Variants in PKMYT1 observed in about 807,000 individuals in gnomAD.
The protein encoded by PKMYT1 is membrane-associated tyrosine- and threonine-specific cdc2-inhibitory kinase.
PKMYT1 carries 35 observed loss-of-function variants against 49.7 expected under a neutral mutation model. The observed-to-expected ratio is 0.70, with a 90% CI of 0.54 to 0.93. The LOEUF is 0.93. Ranked by LOEUF, PKMYT1 falls within the 40% of genes least tolerant of loss-of-function variation. The pLI, the probability that PKMYT1 is intolerant of heterozygous loss-of-function variation, is 0.00. For synonymous variants in PKMYT1, 331 were observed against 287.6 expected (o/e 1.15, Z -1.53); for missense variants, 677 against 673.1 (o/e 1.01, Z -0.06).
At position 2,976,336 on chromosome 16, in the gene PKMYT1, A is replaced by G. The variant is rs534819758; in HGVS notation, c.378+328T>C. Among the ~76,000 whole-genome samples, 10 of 152,114 alleles carry G rather than the reference A, an allele frequency of 6.6e-5. 1 individual carries two copies. The highest frequency in any genetic ancestry group is 1.9e-4 in the African/African-American group (8 of 41,500). Reference sequence around the variant, plus strand: ...CTGGGGAGGGCTGGCCAGGCACTGCACTCAGGGCCAGTGCCAGAGGCTGGG... The same window carrying G: ...CTGGGGAGGGCTGGCCAGGCACTGCGCTCAGGGCCAGTGCCAGAGGCTGGG... On this transcript the variant is annotated intron_variant, in intron 3 of 8. Coordinates refer to ENST00000262300, the MANE Select transcript of PKMYT1 (RefSeq NM_004203.5).
At position 2,975,689 on chromosome 16, in the gene PKMYT1, G is replaced by T; in HGVS notation, c.502C>A (p.Pro168Thr). 1 of 1,609,752 alleles carries T rather than the reference G, an allele frequency of 6.2e-7. No homozygotes were observed. The change falls in exon 4 of 9, where the codon CCA (proline) becomes ACA (threonine). Residue 168 changes from proline to threonine, a missense_variant. By Grantham distance (38) the Pro-to-Thr change is conservative. Coordinates refer to ENST00000262300, the MANE Select transcript of PKMYT1 (RefSeq NM_004203.5). Reference sequence around the variant, plus strand: ...GCCTGCTCCAGCCGCACGCAGCATGGGTGCTGCCCCACCTTCTCGTGGCTG... The same window carrying T: ...GCCTGCTCCAGCCGCACGCAGCATGTGTGCTGCCCCACCTTCTCGTGGCTG... ...VGSHEKVGQH[P>T]CCVRLEQAWE...
Position 2,974,368 on chromosome 16 carries a change from GT to G in PKMYT1, c.1028del (p.Asp343AlafsTer17). 2 of 1,611,344 alleles carry G rather than the reference GT, an allele frequency of 1.2e-6. No individual in the cohort carries two copies. The highest frequency in any genetic ancestry group is 1.7e-6 in the Non-Finnish European group (2 of 1,179,342). ...RSVLVMMLEP[D>X]PKLRATAEAL... The stretch of plus-strand genomic sequence containing the variant: ...CCTCGGCCGTGGCCCGCAGCTTGGG[GT>G]CTGGCTCCAGCATCATGACAAGGAC... On this transcript the variant is annotated frameshift_variant, in exon 6 of 9. Transcript: ENST00000262300. LOFTEE classifies it high-confidence loss of function.
chr16:2,976,709 C>G lies in PKMYT1; in HGVS notation c.333G>C (p.Gln111His). Residue 111 changes from glutamine to histidine, a missense_variant, in exon 3 of 9, where the codon CAG becomes CAC. Physicochemically the swap from Gln to His is conservative, Grantham distance 24. Transcript: ENST00000262300. The stretch of plus-strand genomic sequence containing the variant: ...AGCCATGGCCCAGGCGGCTGAGCCT[C>G]TGGAAGCTCTGCTGGAAGAAGGACT... The part of the protein sequence containing the change: ...RPESFFQQSF[Q>H]RLSRLGHGSY... 1 of 1,492,270 alleles carries G rather than the reference C, an allele frequency of 6.7e-7. No individual in the cohort carries two copies. The highest frequency in any genetic ancestry group is 8.9e-7 in the Non-Finnish European group (1 of 1,118,636). 92.4% of individuals were successfully genotyped at this position (1,492,270 alleles called of 1,614,324 possible).
chr16:2,978,914 C>T (rs2072269962), intron 2 of PKMYT1, among the ~76,000 whole-genome samples: 1 of 151,476 alleles, frequency 6.6e-6, no homozygotes, highest in Admixed American at 6.6e-5. Context: ...TCAAGTAATT[C>T]TCTTGCCTCA....
At chr16:2,975,988 C>A in intron 3 of PKMYT1, 176 bp from the exon 4 acceptor site, 2 of 700,286 alleles carry the variant, frequency 2.9e-6, no homozygotes, top group South Asian at 4.0e-5. Context: ...AAACCTCCAT[C>A]CCTCGGGCTG....
chr16:2,977,051 C>T lies in PKMYT1; in HGVS notation c.11-20G>A, dbSNP rs528658872. On this transcript the variant is annotated intron_variant, in intron 2 of 8. Coordinates refer to ENST00000262300, the MANE Select transcript of PKMYT1 (RefSeq NM_004203.5). ...GAGGCCCTGGGGGCAGAGACAGAGG[C>T]TGAGTACAGGGCAGCATGTCCACTC... The T allele has an allele frequency of 6.3e-7, 1 of 1,590,302 alleles. No homozygotes were observed. Among genetic ancestry groups the T allele is most frequent in the East Asian group, 2.2e-5 (1 of 44,460 alleles).
rs1438792954 is a variant in PKMYT1, at chr16:2,974,159, T to TG, written c.1153-3dup. On this transcript the variant is annotated splice_polypyrimidine_tract_variant and splice_region_variant and intron_variant, in intron 6 of 8. Coordinates refer to ENST00000262300, the MANE Select transcript of PKMYT1 (RefSeq NM_004203.5). ...CCAGCAGAGCAGGGCAAGCAGGGCC[T>TG]GTGGGGGAGAGGAGCTCAGGATGTG... 3.4e-5 allele frequency: 54 copies of TG among 1,596,666 alleles called. No individual in the cohort carries two copies. Among genetic ancestry groups the TG allele is most frequent in the Non-Finnish European group, 4.5e-5 (53 of 1,171,736 alleles).
chr16:2,977,636 CA>C (rs1206014000), intron 2 of PKMYT1: 2 of 324,572 alleles, frequency 6.2e-6, no homozygotes, highest in Non-Finnish European at 8.8e-6. Flanking sequence ...ACACAGCAAA[CA>C]AAGGTTTACA....
chr16:2,975,896 C>A, intron 3 of PKMYT1, 84 bp from the exon 4 acceptor site: 2 of 1,454,270 alleles, frequency 1.4e-6, no homozygotes, highest in South Asian at 1.3e-5. Context: ...TGGCAGACCC[C>A]ATTAAGGGTT....
chr16:2,979,887 CTT>C lies in PKMYT1; in HGVS notation c.-232_-231del, dbSNP rs1410559749. The C allele has an allele frequency of 1.9e-4, 109 of 588,888 alleles. 2 individuals are homozygous for C. The South Asian group carries it at 1.9e-3, about 10-fold the overall frequency. The allele number at this position is 588,888 out of a possible 1,614,324, so 36.5% of individuals were successfully genotyped here. A position where few individuals can be genotyped will look rare whatever the true frequency, so the allele number is the denominator to read the frequency against. The stretch of plus-strand genomic sequence containing the variant: ...TCCTCCCAGGCAGGGCCGCGGCTGA[CTT>C]CACTCCGTGGGTGTGGGGAAGCCCT... On this transcript the variant is annotated 5_prime_UTR_variant, in exon 2 of 9. Transcript: ENST00000262300.
chr16:2,973,543 GT>G, intron 7 of PKMYT1: 1 of 1,020,138 alleles, frequency 9.8e-7, no homozygotes, highest in Non-Finnish European at 1.4e-6. Flanking sequence ...TGATGTGTTT[GT>G]AAGGAAGGGG....
chr16:2,976,040 G>C (rs1293562163), intron 3 of PKMYT1: 2 of 545,954 alleles, frequency 3.7e-6, no homozygotes, highest in Admixed American at 6.8e-5. Context: ...GGGCCGACCT[G>C]CACTGACCCC....
intron 3 of PKMYT1, 181 bp from the exon 4 acceptor site, chr16:2,975,993 G>A (rs941800069): frequency 2.2e-5 from 15 of 684,630 alleles, no homozygotes; most frequent in South Asian, 8.0e-5. Flanking sequence ...TCCATCCCTC[G>A]GGCTGGGTCT....
intron 7 of PKMYT1, chr16:2,973,652 G>C: frequency 2.3e-6 from 1 of 444,172 alleles, no homozygotes; most frequent in South Asian, 2.2e-5. Flanking sequence ...CCAAGGACTT[G>C]TTCCCAGGGC....
At position 2,974,083 on chromosome 16, in the gene PKMYT1, C is replaced by T. The variant is rs141013429; in HGVS notation, c.1227G>A (p.Pro409=). 37 of 1,609,536 alleles carry T rather than the reference C, an allele frequency of 2.3e-5. No homozygotes were observed. The highest frequency in any genetic ancestry group is 6.7e-5 in the African/African-American group (5 of 74,902). The change falls in exon 7 of 9, where the codon CCG becomes CCA. Residue 409 remains proline (P), a synonymous_variant. Coordinates refer to ENST00000262300, the MANE Select transcript of PKMYT1 (RefSeq NM_004203.5). ...HPASWLQPLG[P]PATPPGSPPC... is the part of the protein sequence containing the mutation. ...GTGGTGAGCCAGGCGGGGTGGCTGG[C>T]GGGCCCAGGGGCTGTAGCCAGCTGG...
rs1359112449 is a variant in PKMYT1, at chr16:2,974,466, C to T, written c.980-49G>A. On this transcript the variant is annotated intron_variant, in intron 5 of 8. Transcript: ENST00000262300. ...CGGGGTCCCAGAACACCGACTGCAC[C>T]CTGAGCCCAGCAGTGCCTCCATGGC... The T allele has an allele frequency of 2.5e-6, 4 of 1,569,448 alleles. No homozygotes were observed. In the African/African-American group the frequency reaches 5.4e-5, roughly 21 times the overall value.
In PKMYT1 at chr16:2,975,565, T is replaced by C. The variant is rs886279902; in HGVS notation, c.626A>G (p.Gln209Arg). The C allele has an allele frequency of 6.2e-7, 1 of 1,611,758 alleles. No homozygotes were observed. The highest frequency in any genetic ancestry group is 8.5e-7 in the Non-Finnish European group (1 of 1,179,796). ...EAWGASLPEAQVWGYLRDTLL... is the reference protein window; with the variant it reads ...EAWGASLPEARVWGYLRDTLL... ...CGTGTCCCGCAGGTAGCCCCAGACC[T>C]GGGCCTCAGGCAGGCTGGCACCCCA... is the stretch of plus-strand genomic sequence containing the variant. The change falls in exon 4 of 9, where the codon CAG becomes CGG. Residue 209 changes from glutamine to arginine, a missense_variant. Physicochemically the swap from Gln to Arg is conservative, Grantham distance 43. Coordinates refer to ENST00000262300, the MANE Select transcript of PKMYT1 (RefSeq NM_004203.5).
chr16:2,978,559 C>A (rs1304762194), intron 2 of PKMYT1, among the ~76,000 whole-genome samples: 4 of 151,896 alleles, frequency 2.6e-5, no homozygotes, highest in Non-Finnish European at 2.9e-5. Flanking sequence ...TCCAGCCTGG[C>A]CAACATGGTG....
Position 2,979,890 on chromosome 16 carries a change from C to A in PKMYT1, c.-233G>T, listed in dbSNP as rs2151082765. On this transcript the variant is annotated 5_prime_UTR_variant, in exon 2 of 9. Transcript: ENST00000262300. The stretch of plus-strand genomic sequence containing the variant: ...TCCCAGGCAGGGCCGCGGCTGACTT[C>A]ACTCCGTGGGTGTGGGGAAGCCCTG... 1.7e-6 allele frequency: 1 copy of A among 587,166 alleles called. No homozygotes were observed. 36.4% of individuals were successfully genotyped at this position (587,166 alleles called of 1,614,324 possible).
Sources: allele counts gnomAD v4.1 joint callset (sites outside exome capture counted in the v4.1 genomes callset), GRCh38; gene constraint gnomAD v4.1.1; transcripts MANE v1.5; gene names NCBI Gene and HGNC (gene_info 2026-07-23, HGNC 2026-07-21).